Variants in ATP6V0D1 observed in about 807,000 individuals in gnomAD.
ATP6V0D1 encodes the protein ATPase H+ transporting V0 subunit d1, also known as V-type proton ATPase subunit d 1.
A neutral mutation model predicts 39.0 loss-of-function variants in ATP6V0D1; 13 were observed. That is an observed-to-expected ratio of 0.33 (90% confidence interval 0.22 to 0.53). The LOEUF (loss-of-function observed/expected upper bound fraction) is 0.53, where lower values mean the gene tolerates loss of function less well. Among genes scored for constraint, ATP6V0D1 ranks in the 20% least tolerant of loss-of-function variants. The probability of loss-of-function intolerance (pLI) is 0.94; values close to 1 mark genes in which losing one functional copy is unlikely to be tolerated. For synonymous variants in ATP6V0D1, 191 were observed against 191.2 expected (o/e 1.00, Z 0.01); for missense variants, 272 against 470.9 (o/e 0.58, Z 3.91).
intron 1 of ATP6V0D1, among the ~76,000 whole-genome samples, chr16:67,467,050 A>T (rs572935611): frequency 6.6e-6 from 1 of 151,126 alleles, no homozygotes; most frequent in African/African-American, 2.4e-5. Context: ...CTAAGTCTCA[A>T]CTCCTTTTGT....
At chr16:67,470,733 A>AC (rs2041366136) in intron 1 of ATP6V0D1, among the ~76,000 whole-genome samples, 1 of 135,618 alleles carries the variant, frequency 7.4e-6, no homozygotes, top group South Asian at 2.4e-4. Flanking sequence ...TTCCCCTCCC[A>AC]CCCCCCAATC....
intron 1 of ATP6V0D1, among the ~76,000 whole-genome samples, chr16:67,472,155 G>A (rs2041378574): frequency 6.6e-6 from 1 of 152,136 alleles, no homozygotes; most frequent in Non-Finnish European, 1.5e-5. Context: ...GGTGCAGCAG[G>A]CTGCCAGACA....
intron 1 of ATP6V0D1, among the ~76,000 whole-genome samples, chr16:67,468,433 C>G (rs2041347176): frequency 6.6e-6 from 1 of 151,904 alleles, no homozygotes; most frequent in African/African-American, 2.4e-5. Context: ...ACAAAACATA[C>G]AAAAATTAGC....
intron 1 of ATP6V0D1, among the ~76,000 whole-genome samples, chr16:67,465,927 G>C (rs764294527): frequency 6.6e-6 from 1 of 152,138 alleles, no homozygotes; most frequent in East Asian, 1.9e-4. Context: ...GATGACTCAC[G>C]GGGTCCAGCC....
chr16:67,464,900 G>T (rs1210973808), intron 1 of ATP6V0D1, among the ~76,000 whole-genome samples: 1 of 152,220 alleles, frequency 6.6e-6, no homozygotes, highest in Admixed American at 6.5e-5. Flanking sequence ...CCACCAATCT[G>T]CCCAGCGGTC....
intron 1 of ATP6V0D1, among the ~76,000 whole-genome samples, chr16:67,462,827 C>CAAA (rs397969611): frequency 1.0e-5 from 1 of 100,148 alleles, no homozygotes; most frequent in Non-Finnish European, 2.2e-5. Flanking sequence ...GACTCTGTCT[C>CAAA]AAAAAAAAAA....
At chr16:67,465,913 C>A (rs1428925787) in intron 1 of ATP6V0D1, among the ~76,000 whole-genome samples, 2 of 152,128 alleles carry the variant, frequency 1.3e-5, no homozygotes, top group Non-Finnish European at 2.9e-5. Flanking sequence ...AGAGAGAGAG[C>A]CTGGATGACT....
At chr16:67,479,413 C>T (rs990840131) in intron 1 of ATP6V0D1, among the ~76,000 whole-genome samples, 1 of 152,018 alleles carries the variant, frequency 6.6e-6, no homozygotes, top group Non-Finnish European at 1.5e-5. Flanking sequence ...CAGGGTTTCA[C>T]CATTCTGGCC....
intron 1 of ATP6V0D1, among the ~76,000 whole-genome samples, chr16:67,466,700 C>T (rs1209988103): frequency 6.6e-6 from 1 of 151,836 alleles, no homozygotes; most frequent in Non-Finnish European, 1.5e-5. Flanking sequence ...AGCTGGGCGT[C>T]GTGGTGCATG....
At position 67,480,948 on chromosome 16, in the gene ATP6V0D1, C is replaced by A. The variant is rs1250039885; in HGVS notation, c.130+9G>T. 1 of 1,613,536 alleles carries A rather than the reference C, an allele frequency of 6.2e-7. No individual in the cohort carries two copies. Among genetic ancestry groups the A allele is most frequent in the African/African-American group, 1.3e-5 (1 of 74,938 alleles). On this transcript the variant is annotated intron_variant, in intron 1 of 7. Transcript: ENST00000290949. ...GCCTCTATCCCCGCCTTTCGCGGCC[C>A]CGGCTCACCCTCTAGCGTCTCGCAC... is the stretch of plus-strand genomic sequence containing the variant.
chr16:67,464,726 G>A (rs2142325703), intron 1 of ATP6V0D1, among the ~76,000 whole-genome samples: 1 of 152,386 alleles, frequency 6.6e-6, no homozygotes, highest in East Asian at 1.9e-4. Flanking sequence ...CCATCCACCA[G>A]CCAAGCACGA....
At position 67,438,843 on chromosome 16, in the gene ATP6V0D1, C is replaced by T. The variant is rs1597565486; in HGVS notation, c.844G>A (p.Gly282Ser). Residue 282 changes from glycine (G) to serine (S), a missense_variant, in exon 7 of 8, where the codon GGT becomes AGT. By Grantham distance (56) the Gly-to-Ser change is moderately conservative. Transcript: ENST00000290949. ...PEYKLLFEGA[G>S]SNPGDKTLED... ...AGCGTCTTGTCTCCAGGGTTGCTAC[C>T]TGCACCCTCGAAGAGCAGCTTGTAC... The T allele has an allele frequency of 3.7e-6, 6 of 1,613,546 alleles. No individual in the cohort carries two copies. The highest frequency in any genetic ancestry group is 5.1e-6 in the Non-Finnish European group (6 of 1,179,918).
chr16:67,438,376 G>A lies in ATP6V0D1; in HGVS notation c.*152C>T. 1 of 921,912 alleles carries A rather than the reference G, an allele frequency of 1.1e-6. No individual in the cohort carries two copies. Among genetic ancestry groups the A allele is most frequent in the African/African-American group, 1.7e-5 (1 of 60,224 alleles). 57.1% of individuals were successfully genotyped at this position (921,912 alleles called of 1,614,324 possible). ...AGAACAGTCTCTAAGAGGGTCAGGA[G>A]AACTGGGCAGCCGCTAGGACAGCGT... On this transcript the variant is annotated 3_prime_UTR_variant, in exon 8 of 8. Transcript: ENST00000290949.
At chr16:67,443,056 CCCA>C in intron 4 of ATP6V0D1, 40 bp downstream of exon 4, 3 of 1,602,992 alleles carry the variant, frequency 1.9e-6, no homozygotes, top group Non-Finnish European at 2.6e-6. Context: ...CACAGCCCCA[CCCA>C]CCGACAGGCC....
At position 67,438,451 on chromosome 16, in the gene ATP6V0D1, ACACACACACGCACACACACGCG is replaced by A; in HGVS notation, c.*55_*76del. ...GCCACAGGCTTGTCACAGACCACAT[ACACACACACGCACACACACGCG>A]CACACACACACACACACACACAAAG... On this transcript the variant is annotated 3_prime_UTR_variant, in exon 8 of 8. Coordinates refer to ENST00000290949, the MANE Select transcript of ATP6V0D1 (RefSeq NM_004691.5). 6.6e-7 allele frequency: 1 copy of A among 1,508,692 alleles called. No homozygotes were observed. The highest frequency in any genetic ancestry group is 9.0e-7 in the Non-Finnish European group (1 of 1,114,874). 93.5% of individuals were successfully genotyped at this position (1,508,692 alleles called of 1,614,324 possible).
intron 1 of ATP6V0D1, among the ~76,000 whole-genome samples, chr16:67,459,784 T>C (rs760164936): frequency 4.6e-5 from 7 of 152,146 alleles, no homozygotes; most frequent in Admixed American, 1.3e-4. Flanking sequence ...CCAAGGGCCA[T>C]AGGGAGGCAG....
intron 1 of ATP6V0D1, among the ~76,000 whole-genome samples, chr16:67,461,761 C>T (rs1240073997): frequency 6.6e-6 from 1 of 152,174 alleles, no homozygotes; most frequent in East Asian, 1.9e-4. Flanking sequence ...GTCCAGCTGA[C>T]ACCAGGGGCC....
At chr16:67,442,232 C>T (rs1007017747) in intron 4 of ATP6V0D1, among the ~76,000 whole-genome samples, 8 of 152,262 alleles carry the variant, frequency 5.3e-5, no homozygotes, top group African/African-American at 1.9e-4. Flanking sequence ...TGTCAGCCAG[C>T]TCGCTCCAAC....
In ATP6V0D1 at chr16:67,453,691, G is replaced by A; in HGVS notation, c.155C>T (p.Thr52Ile). The A allele has an allele frequency of 6.2e-7, 1 of 1,614,068 alleles. No individual in the cohort carries two copies. The highest frequency in any genetic ancestry group is 1.1e-5 in the South Asian group (1 of 91,076). Residue 52 changes from threonine to isoleucine, a missense_variant, in exon 2 of 8, where the codon ACT (threonine) becomes ATT (isoleucine). This residue lies in a region of ATP6V0D1 where 81 missense variants were observed against 96.0 expected (regional missense o/e 0.84). Coordinates refer to ENST00000290949, the MANE Select transcript of ATP6V0D1 (RefSeq NM_004691.5). This position sits in a 1 kb window ranked among gnomAD's most constrained non-coding sequence, Gnocchi z 4.1. ...LEDLKLHLQS[T>I]DYGNFLANEA... Reference sequence around the variant, plus strand: ...GTTGGCCAGGAAGTTACCATAATCAGTGCTCTGCAGATGCAGTTTCAAGTC... The same window carrying A: ...GTTGGCCAGGAAGTTACCATAATCAATGCTCTGCAGATGCAGTTTCAAGTC...
Sources: allele counts gnomAD v4.1 joint callset (sites outside exome capture counted in the v4.1 genomes callset), GRCh38; gene constraint gnomAD v4.1.1; regional missense constraint gnomAD v4.1.1; non-coding constraint Gnocchi (gnomAD v3.1); transcripts MANE v1.5; gene names NCBI Gene and HGNC (gene_info 2026-07-23, HGNC 2026-07-21).